Variants in GRID2 observed in about 807,000 individuals in gnomAD.
GRID2 encodes glutamate ionotropic receptor delta type subunit 2.
GRID2 carries 33 observed loss-of-function variants against 114.8 expected under a neutral mutation model. The observed-to-expected ratio is 0.29, with a 90% CI of 0.22 to 0.38. The LOEUF (loss-of-function observed/expected upper bound fraction) is 0.38. Among genes scored for constraint, GRID2 ranks in the 10% least tolerant of loss-of-function variants. The pLI is 1.00. For synonymous variants in GRID2, 505 were observed against 449.9 expected, an observed-to-expected ratio of 1.12 and a Z score of -1.55; for missense variants, 1,184 against 1,257.7, an observed-to-expected ratio of 0.94 and a Z score of 0.89.
At chr4:92,326,337 T>C (rs972307469) in intron 1 of GRID2, among the ~76,000 whole-genome samples, 9 of 151,906 alleles carry the variant, frequency 5.9e-5, no homozygotes, top group African/African-American at 2.2e-4. Flanking sequence ...ATGACTTTTA[T>C]TGTATTGTAG....
At chr4:93,310,480 A>G (rs1344783809) in intron 8 of GRID2, among the ~76,000 whole-genome samples, 1 of 152,142 alleles carries the variant, frequency 6.6e-6, no homozygotes, top group Non-Finnish European at 1.5e-5. Flanking sequence ...GCAGTGAACT[A>G]AGATTGTGCC....
chr4:92,921,830 G>C (rs1749367917), intron 2 of GRID2, among the ~76,000 whole-genome samples: 1 of 152,206 alleles, frequency 6.6e-6, no homozygotes, highest in Admixed American at 6.5e-5. Flanking sequence ...TCTGTTCTCA[G>C]ATCTCCAACT....
chr4:92,332,881 C>T (rs1579193975), intron 1 of GRID2, among the ~76,000 whole-genome samples: 1 of 152,164 alleles, frequency 6.6e-6, no homozygotes, highest in Non-Finnish European at 1.5e-5. Flanking sequence ...TGGGGTTGGC[C>T]CTTAAGGCCT....
At chr4:92,723,960 G>A (rs1314409939) in intron 2 of GRID2, among the ~76,000 whole-genome samples, 1 of 151,838 alleles carries the variant, frequency 6.6e-6, no homozygotes, top group Non-Finnish European at 1.5e-5. Flanking sequence ...ATGTTCATAG[G>A]GACTTTTTCT....
intron 1 of GRID2, among the ~76,000 whole-genome samples, chr4:93,801,338 A>T (rs1734923328): frequency 6.6e-6 from 1 of 152,076 alleles, no homozygotes; most frequent in Non-Finnish European, 1.5e-5. Flanking sequence ...GAAAGTTTTA[A>T]GGTGAATAAG....
At chr4:93,427,538 C>T (rs7676623) in intron 10 of GRID2, among the ~76,000 whole-genome samples, 12,517 of 151,842 alleles carry the variant, frequency 0.082, 1,307 homozygotes, top group African/African-American at 0.24. Context: ...TGATTATGCA[C>T]GTACCATCAC....
intron 2 of GRID2, among the ~76,000 whole-genome samples, chr4:92,676,302 C>A (rs1383750171): frequency 6.6e-6 from 1 of 151,586 alleles, no homozygotes; most frequent in Admixed American, 6.6e-5. Flanking sequence ...GCCTCAGCCT[C>A]CCGAGTAGCT....
intron 8 of GRID2, among the ~76,000 whole-genome samples, chr4:93,286,933 C>T (rs1222998173): frequency 6.6e-6 from 1 of 151,938 alleles, no homozygotes; most frequent in Non-Finnish European, 1.5e-5. Flanking sequence ...ATTATACAAT[C>T]AGTGTTTTGA....
At chr4:92,730,663 CA>C (rs1365484098) in intron 2 of GRID2, among the ~76,000 whole-genome samples, 1 of 151,732 alleles carries the variant, frequency 6.6e-6, no homozygotes, top group Non-Finnish European at 1.5e-5. Context: ...AAAACAAGCC[CA>C]AAGTAATAAT....
intron 13 of GRID2, among the ~76,000 whole-genome samples, chr4:93,598,616 C>T (rs560399110): frequency 6.6e-6 from 1 of 152,296 alleles, no homozygotes; most frequent in East Asian, 1.9e-4. Context: ...AAGAAGATTT[C>T]CATATGAGCA....
chr4:92,554,468 A>G (rs1027903143), intron 1 of GRID2, among the ~76,000 whole-genome samples: 7 of 152,188 alleles, frequency 4.6e-5, no homozygotes, highest in African/African-American at 1.7e-4. Context: ...TGTAAAAACA[A>G]TTTGATAAGT....
chr4:93,786,863 G>T (rs182850334), intron 1 of GRID2, among the ~76,000 whole-genome samples: 183 of 152,230 alleles, frequency 1.2e-3, no homozygotes, highest in Middle Eastern at 3.4e-3. Context: ...GACAGACTTG[G>T]ATTTAACAGA....
chr4:93,443,455 A>C (rs899682655), intron 10 of GRID2, among the ~76,000 whole-genome samples: 2 of 152,014 alleles, frequency 1.3e-5, no homozygotes, highest in African/African-American at 4.8e-5. Flanking sequence ...CTGGGGAAGT[A>C]ATTAGAAGGA....
chr4:93,425,047 T>C (rs1304694850), intron 10 of GRID2, among the ~76,000 whole-genome samples: 1 of 152,176 alleles, frequency 6.6e-6, no homozygotes, highest in Admixed American at 6.5e-5. Flanking sequence ...AGATTTCCTA[T>C]CTTTTTATCA....
chr4:92,697,004 A>G (rs1032670826), intron 2 of GRID2, among the ~76,000 whole-genome samples: 2 of 152,182 alleles, frequency 1.3e-5, no homozygotes. Flanking sequence ...CTTTCTCTCA[A>G]TGACCCTTGT....
intron 1 of GRID2, among the ~76,000 whole-genome samples, chr4:92,372,752 C>A (rs192011249): frequency 6.6e-6 from 1 of 151,838 alleles, no homozygotes; most frequent in Admixed American, 6.6e-5. Context: ...ACTTTTTTTC[C>A]CCCTATTTTT....
At chr4:93,227,329 G>A (rs1176386880) in intron 7 of GRID2, among the ~76,000 whole-genome samples, 2 of 152,072 alleles carry the variant, frequency 1.3e-5, no homozygotes, top group Non-Finnish European at 2.9e-5. Context: ...CCGGGTTCAA[G>A]TGATTCTCCA....
intron 2 of GRID2, among the ~76,000 whole-genome samples, chr4:93,084,339 G>A (rs761947819): frequency 1.8e-4 from 27 of 152,144 alleles, no homozygotes; most frequent in Middle Eastern, 3.2e-3. Context: ...CTAGGAACCA[G>A]AATGAGACAC....
intron 2 of GRID2, among the ~76,000 whole-genome samples, chr4:92,715,728 G>A (rs1366255288): frequency 6.6e-6 from 1 of 152,004 alleles, no homozygotes; most frequent in Non-Finnish European, 1.5e-5. Context: ...GAATAGCATG[G>A]AAAAAAACTG....
Sources: allele counts gnomAD v4.1 joint callset (sites outside exome capture counted in the v4.1 genomes callset), GRCh38; gene constraint gnomAD v4.1.1; transcripts MANE v1.5; gene names NCBI Gene and HGNC (gene_info 2026-07-23, HGNC 2026-07-21).